Variants in SRPK1 observed in about 807,000 individuals in gnomAD.
SRPK1 encodes SRSF protein kinase 1.
In SRPK1, 52 loss-of-function variants were observed where a neutral mutation model predicts 89.5. The observed-to-expected ratio is 0.58, with a 90% CI of 0.46 to 0.73. The LOEUF (loss-of-function observed/expected upper bound fraction) is 0.73, where lower values mean the gene tolerates loss of function less well. SRPK1 is among the 30% of genes least tolerant of loss of function. The pLI is 0.00. For missense variants in SRPK1, 603 were observed against 780.6 expected (o/e 0.77, Z 2.71); for synonymous variants, 255 against 270.2 (o/e 0.94, Z 0.55).
In SRPK1 at chr6:35,906,426, T is replaced by C. The variant is rs548563129; in HGVS notation, c.74+14042A>G. On this transcript the variant is annotated intron_variant, in intron 2 of 15. Transcript: ENST00000373825. ...TTTTAGTAGAGACAGGGTTAGGCCA[T>C]GTTGGCCAGGCTGGTGTCAAACTCC... Among the ~76,000 whole-genome samples, 4 of 152,348 alleles carry C rather than the reference T, an allele frequency of 2.6e-5. No homozygotes were observed. The South Asian group carries it at 6.2e-4, about 24-fold the overall frequency.
intron 8 of SRPK1, among the ~76,000 whole-genome samples, chr6:35,871,717 A>T (rs1770039627): frequency 6.6e-6 from 1 of 152,194 alleles, no homozygotes; most frequent in Non-Finnish European, 1.5e-5. Context: ...AAAAGAAAAA[A>T]AATCATAAAG....
At chr6:35,864,125 G>A (rs1329612134) in intron 12 of SRPK1, among the ~76,000 whole-genome samples, 5 of 152,182 alleles carry the variant, frequency 3.3e-5, no homozygotes, top group Admixed American at 2.6e-4. Flanking sequence ...CAGGACACTG[G>A]TCTGGGCAAA....
intron 2 of SRPK1, among the ~76,000 whole-genome samples, chr6:35,901,317 T>C (rs2127263485): frequency 1.3e-5 from 2 of 152,272 alleles, no homozygotes; most frequent in Middle Eastern, 6.8e-3. Context: ...CCAACATGAC[T>C]ACTGTCCTTT....
chr6:35,891,172 G>T, intron 2 of SRPK1, 159 bp from the exon 3 acceptor site: 1 of 774,300 alleles, frequency 1.3e-6, no homozygotes, highest in Non-Finnish European at 1.8e-6. Flanking sequence ...TTTACCTCAT[G>T]TTAGAAAAAT....
At chr6:35,902,006 A>G (rs564662512) in intron 2 of SRPK1, among the ~76,000 whole-genome samples, 1 of 152,268 alleles carries the variant, frequency 6.6e-6, no homozygotes, top group South Asian at 2.1e-4. Context: ...TCAGGTGACT[A>G]TACTCCAAAC....
chr6:35,870,577 C>T (rs1258041196), intron 9 of SRPK1, 83 bp from the exon 10 acceptor site: 7 of 1,244,816 alleles, frequency 5.6e-6, no homozygotes, highest in African/African-American at 1.5e-5. Context: ...ACTTTAATTA[C>T]TTCCTAATTA....
intron 13 of SRPK1, among the ~76,000 whole-genome samples, chr6:35,842,874 G>A (rs1252404431): frequency 6.6e-6 from 1 of 151,764 alleles, no homozygotes; most frequent in African/African-American, 2.4e-5. Context: ...CTAAACCCTA[G>A]CAATTCAGCC....
chr6:35,900,234 G>A (rs1770712573), intron 2 of SRPK1, among the ~76,000 whole-genome samples: 1 of 152,004 alleles, frequency 6.6e-6, no homozygotes, highest in Non-Finnish European at 1.5e-5. Context: ...TGCGCCTCTC[G>A]CCTTATGTGT....
chr6:35,888,898 T>G lies in SRPK1; in HGVS notation c.219A>C (p.Gly73=), dbSNP rs1284786691. 1 of 1,612,734 alleles carries G rather than the reference T, an allele frequency of 6.2e-7. No homozygotes were observed. Among genetic ancestry groups the G allele is most frequent in the South Asian group, 1.1e-5 (1 of 91,050 alleles). Residue 73 remains glycine, a synonymous_variant, in exon 4 of 16, where the codon GGA becomes GGC. Coordinates refer to ENST00000373825, the MANE Select transcript of SRPK1 (RefSeq NM_003137.5). Reference sequence around the variant, plus strand: ...CATGGTATCTCCCATTGAATAGATCTCCAATTTTCACAAGATGATAACCTC... The same window carrying G: ...CATGGTATCTCCCATTGAATAGATCGCCAATTTTCACAAGATGATAACCTC... ...CKGGYHLVKI[G]DLFNGRYHVI...
intron 12 of SRPK1, among the ~76,000 whole-genome samples, chr6:35,861,634 C>A (rs1439034608): frequency 3.3e-5 from 5 of 152,214 alleles, no homozygotes; most frequent in Admixed American, 3.3e-4. Context: ...GAGGGACCCT[C>A]CCCGCTCTGG....
rs577312397 is a variant in SRPK1 at position 35,878,676 on chromosome 6, C to T, written c.479-4337G>A. ...TCGGGTGGCCATTTTTGTAACCCCC[C>T]TCCATTGTTTTAAGCCCCTCTTCTG... is the stretch of plus-strand genomic sequence containing the variant. On this transcript the variant is annotated intron_variant, in intron 6 of 15. Coordinates refer to ENST00000373825, the MANE Select transcript of SRPK1 (RefSeq NM_003137.5). Among the ~76,000 whole-genome samples the T allele has an allele frequency of 3.7e-4, 56 of 152,294 alleles. 2 individuals carry two copies. The South Asian group carries it at 0.011, about 29-fold the overall frequency.
At chr6:35,890,343 C>A (rs1162653499) in intron 3 of SRPK1, among the ~76,000 whole-genome samples, 3 of 152,206 alleles carry the variant, frequency 2.0e-5, no homozygotes, top group Non-Finnish European at 4.4e-5. Context: ...AAGGTATTTT[C>A]ATATTTATCT....
intron 2 of SRPK1, chr6:35,904,838 A>T (rs1770815803): frequency 8.9e-6 from 2 of 223,816 alleles, no homozygotes; most frequent in Non-Finnish European, 1.8e-5. Context: ...TAAAAAAATA[A>T]AAAATAAATA....
rs1271744138 is a variant in SRPK1, at chr6:35,868,868, G to GT, written c.1512+141dup. 1.1e-5 allele frequency: 7 copies of GT among 639,054 alleles called. No individual in the cohort carries two copies. The East Asian group carries it at 1.6e-4, about 14-fold the overall frequency. 39.6% of individuals were successfully genotyped at this position (639,054 alleles called of 1,614,324 possible). A position where few individuals can be genotyped will look rare whatever the true frequency, so the allele number is the denominator to read the frequency against. On this transcript the variant is annotated intron_variant, in intron 12 of 15. Transcript: ENST00000373825. ...TATTTAAACTTTTCCATAGTAAAAG[G>GT]TTTTTTTAAATGTAAAAAAATATTC... is the stretch of plus-strand genomic sequence containing the variant.
At position 35,869,742 on chromosome 6, in the gene SRPK1, T is replaced by C; in HGVS notation, c.1151A>G (p.Asn384Ser). ...LRHKEDLHNA[N>S]DCDVQNLNQE... ...ATTCAAATTTTGGACATCACAGTCA[T>C]TAGCATTATGTAGATCCTCTTTATG... Residue 384 changes from asparagine to serine, a missense_variant, in exon 11 of 16, where the codon AAT becomes AGT. Physicochemically the swap from Asn to Ser is conservative, Grantham distance 46. Coordinates refer to ENST00000373825, the MANE Select transcript of SRPK1 (RefSeq NM_003137.5). The C allele has an allele frequency of 6.2e-7, 1 of 1,613,982 alleles. No individual in the cohort carries two copies. Among genetic ancestry groups the C allele is most frequent in the Non-Finnish European group, 8.5e-7 (1 of 1,179,848 alleles).
At chr6:35,856,099 A>G (rs1769660537) in intron 13 of SRPK1, among the ~76,000 whole-genome samples, 1 of 152,230 alleles carries the variant, frequency 6.6e-6, no homozygotes, top group African/African-American at 2.4e-5. Flanking sequence ...GGGGCTTTCC[A>G]ACTTCCCAAC....
chr6:35,907,906 T>C (rs991937892), intron 2 of SRPK1, among the ~76,000 whole-genome samples: 1 of 152,120 alleles, frequency 6.6e-6, no homozygotes, highest in African/African-American at 2.4e-5. Flanking sequence ...TTCTGATAGT[T>C]TGTGAGTTCT....
intron 2 of SRPK1, among the ~76,000 whole-genome samples, chr6:35,898,704 C>A (rs981428407): frequency 4.6e-5 from 7 of 152,080 alleles, no homozygotes; most frequent in Non-Finnish European, 8.8e-5. Flanking sequence ...TGCACTCCAG[C>A]CTGGGCAACA....
intron 6 of SRPK1, among the ~76,000 whole-genome samples, chr6:35,875,058 G>A (rs1770126186): frequency 6.6e-6 from 1 of 152,114 alleles, no homozygotes; most frequent in African/African-American, 2.4e-5. Context: ...TACATATATA[G>A]TAATGGTCTA....
Sources: allele counts gnomAD v4.1 joint callset (sites outside exome capture counted in the v4.1 genomes callset), GRCh38; gene constraint gnomAD v4.1.1; transcripts MANE v1.5; gene names NCBI Gene and HGNC (gene_info 2026-07-23, HGNC 2026-07-21).